Variants in OR1J2 observed in about 807,000 individuals in gnomAD.
The protein encoded by OR1J2 is olfactory receptor family 1 subfamily J member 2.
For synonymous variants in OR1J2, 142 were observed against 99.7 expected (o/e 1.42, Z -2.52); for missense variants, 304 against 246.1 (o/e 1.24, Z -1.57).
chr9:122,457,340 A>G, the OR1J2 span, among the ~76,000 whole-genome samples: 36 of 152,274 alleles, frequency 2.4e-4, no homozygotes, highest in South Asian at 4.8e-3. Flanking sequence ...TGCCTATGTA[A>G]CAAACCTGCA....
chr9:122,563,866 CTG>C, the OR1J2 span, among the ~76,000 whole-genome samples: 41,361 of 151,980 alleles, frequency 0.27, 5,777 homozygotes, highest in Middle Eastern at 0.34. Flanking sequence ...ATTGAAGAAA[CTG>C]TGCTTTTCCC....
At chr9:122,533,221 A>G in the OR1J2 span, among the ~76,000 whole-genome samples, 2 of 152,158 alleles carry the variant, frequency 1.3e-5, no homozygotes, top group African/African-American at 4.8e-5. Context: ...AATTTGGTTG[A>G]TAAGGTGCAG....
chr9:122,461,071 G>T, the OR1J2 span, among the ~76,000 whole-genome samples: 1 of 152,074 alleles, frequency 6.6e-6, no homozygotes, highest in African/African-American at 2.4e-5. Context: ...GTGATAGTTT[G>T]ACTTCCTCTT....
the OR1J2 span, chr9:122,519,329 C>T: frequency 3.1e-6 from 5 of 1,614,062 alleles, no homozygotes; most frequent in Non-Finnish European, 4.2e-6. Flanking sequence ...TCTTCTTCCT[C>T]AGCCACTTGG....
At chr9:122,454,949 A>T in the OR1J2 span, among the ~76,000 whole-genome samples, 3 of 152,238 alleles carry the variant, frequency 2.0e-5, no homozygotes, top group Non-Finnish European at 2.9e-5. Flanking sequence ...TGGATATTTT[A>T]TACAAATGAA....
chr9:122,492,386 A>G, the OR1J2 span, among the ~76,000 whole-genome samples: 1 of 151,938 alleles, frequency 6.6e-6, no homozygotes, highest in African/African-American at 2.4e-5. Context: ...ACATTTTTTT[A>G]TTTAGTCCAC....
chr9:122,470,935 G>T, the OR1J2 span, among the ~76,000 whole-genome samples: 1 of 152,162 alleles, frequency 6.6e-6, no homozygotes, highest in African/African-American at 2.4e-5. Flanking sequence ...CCCAATACCT[G>T]TACCCCCATT....
At chr9:122,493,843 T>C in the OR1J2 span, among the ~76,000 whole-genome samples, 1 of 152,144 alleles carries the variant, frequency 6.6e-6, no homozygotes, top group Non-Finnish European at 1.5e-5. Flanking sequence ...TGCTATGAAC[T>C]CTCCTCTTAG....
chr9:122,568,165 G>C, the OR1J2 span: 62 of 1,614,092 alleles, frequency 3.8e-5, no homozygotes, highest in Non-Finnish European at 5.0e-5. Flanking sequence ...AAGGCATAGA[G>C]AAAATACATC....
At chr9:122,547,658 TACA>T in the OR1J2 span, among the ~76,000 whole-genome samples, 6 of 150,188 alleles carry the variant, frequency 4.0e-5, no homozygotes, top group African/African-American at 1.5e-4. Flanking sequence ...TGTGTGTGTG[TACA>T]TACACACTAC....
the OR1J2 span, chr9:122,553,740 A>T: frequency 6.2e-7 from 1 of 1,613,494 alleles, no homozygotes; most frequent in Non-Finnish European, 8.5e-7. Flanking sequence ...CCAGAAAGCC[A>T]TCCCTCATTT....
At chr9:122,577,528 T>C in the OR1J2 span, among the ~76,000 whole-genome samples, 2 of 152,320 alleles carry the variant, frequency 1.3e-5, no homozygotes, top group South Asian at 4.1e-4. Context: ...CAAGGTTCAG[T>C]AAGCATGTGA....
the OR1J2 span, among the ~76,000 whole-genome samples, chr9:122,532,994 C>T: frequency 4.6e-5 from 7 of 152,170 alleles, no homozygotes; most frequent in Admixed American, 4.6e-4. Context: ...AGGGGGCTGT[C>T]TGTGAAGGCT....
the OR1J2 span, among the ~76,000 whole-genome samples, chr9:122,480,495 C>T: frequency 2.0e-5 from 3 of 150,050 alleles, no homozygotes; most frequent in East Asian, 1.9e-4. Context: ...AGGTTTGTTA[C>T]GTAGGTAAAC....
the OR1J2 span, among the ~76,000 whole-genome samples, chr9:122,539,335 A>G: frequency 9.2e-5 from 14 of 151,878 alleles, no homozygotes; most frequent in African/African-American, 2.9e-4. Flanking sequence ...TCATTGTTCA[A>G]TTCCCACCTA....
the OR1J2 span, among the ~76,000 whole-genome samples, chr9:122,454,978 C>T: frequency 6.6e-6 from 1 of 152,196 alleles, no homozygotes; most frequent in Non-Finnish European, 1.5e-5. Context: ...AAAGGCAAGC[C>T]TTTTATGTCC....
chr9:122,478,060 C>T, the OR1J2 span: 1 of 629,690 alleles, frequency 1.6e-6, no homozygotes, highest in Non-Finnish European at 2.7e-6. Context: ...TATTTTCTTA[C>T]ATTTGCCACA....
the OR1J2 span, among the ~76,000 whole-genome samples, chr9:122,456,536 T>A: frequency 6.6e-6 from 1 of 152,196 alleles, no homozygotes; most frequent in Admixed American, 6.5e-5. Flanking sequence ...GTTAAATCAC[T>A]AGCTGACCAT....
chr9:122,503,570 T>C, the OR1J2 span, among the ~76,000 whole-genome samples: 1 of 152,212 alleles, frequency 6.6e-6, no homozygotes, highest in Non-Finnish European at 1.5e-5. Context: ...ATTATTAATC[T>C]TTTTGTTCAG....
Sources: allele counts gnomAD v4.1 joint callset (sites outside exome capture counted in the v4.1 genomes callset), GRCh38; gene constraint gnomAD v4.1.1; transcripts MANE v1.5; gene names NCBI Gene and HGNC (gene_info 2026-07-23, HGNC 2026-07-21).